Variants in TRPV2 observed in about 807,000 individuals in gnomAD.
TRPV2 encodes the protein OTRPC2.
TRPV2 carries 58 observed loss-of-function variants against 91.0 expected under a neutral mutation model. The ratio of observed to expected loss-of-function variants is 0.64; its 90% CI spans 0.52 to 0.79. The LOEUF is 0.79. TRPV2 is among the 30% of genes least tolerant of loss of function. The pLI is 0.00. For synonymous variants in TRPV2, 417 were observed against 414.8 expected (o/e 1.01, Z -0.06); for missense variants, 807 against 969.6 (o/e 0.83, Z 2.23).
At chr17:16,431,292 T>TATATATATATATATACA (rs1491493192) in intron 10 of TRPV2, among the ~76,000 whole-genome samples, 1 of 16,294 alleles carries the variant, frequency 6.1e-5, no homozygotes, top group African/African-American at 3.4e-4. Flanking sequence ...TATATACATA[T>TATATATATATATATACA]TTTTTTTTTT....
At chr17:16,428,190 T>G in intron 8 of TRPV2, 127 bp from the exon 9 acceptor site, 1 of 816,974 alleles carries the variant, frequency 1.2e-6, no homozygotes, top group Non-Finnish European at 2.1e-6. Flanking sequence ...GAAGTATTCA[T>G]GAGTCCCCCA....
chr17:16,432,441 T>A, intron 12 of TRPV2, 141 bp downstream of exon 12: 2 of 584,120 alleles, frequency 3.4e-6, no homozygotes, highest in Non-Finnish European at 5.4e-6. Flanking sequence ...TCCTCTTCCT[T>A]TTTTTTTTTT....
Position 16,433,644 on chromosome 17 carries a change from T to C in TRPV2, c.2060T>C (p.Met687Thr). 2 of 1,614,186 alleles carry C rather than the reference T, an allele frequency of 1.2e-6. No individual in the cohort carries two copies. The highest frequency in any genetic ancestry group is 1.7e-6 in the Non-Finnish European group (2 of 1,180,032). The change falls in exon 13 of 15, where the codon ATG becomes ACG. Residue 687 changes from methionine to threonine, a missense_variant. By Grantham distance (81) the Met-to-Thr change is moderately conservative (BLOSUM62 -1). Coordinates refer to ENST00000338560, the MANE Select transcript of TRPV2 (RefSeq NM_016113.5). ...AGGAAGAAGCAGCGGGCAGGTGTGATGCTGACCGTTGGCACTAAGCCAGAT... is the reference window on the plus strand; with the variant it reads ...AGGAAGAAGCAGCGGGCAGGTGTGACGCTGACCGTTGGCACTAAGCCAGAT... Reference protein sequence around the residue: ...WCRKKQRAGVMLTVGTKPDGS... With the variant: ...WCRKKQRAGVTLTVGTKPDGS...
intron 2 of TRPV2, chr17:16,419,310 C>G (rs2093345515): frequency 2.1e-6 from 1 of 470,886 alleles, no homozygotes. Flanking sequence ...TGACAAGCTA[C>G]CAGATCCCTT....
chr17:16,428,306 T>C lies in TRPV2; in HGVS notation c.1351-11T>C. 3.7e-6 allele frequency: 6 copies of C among 1,614,102 alleles called. No homozygotes were observed. Among genetic ancestry groups the C allele is most frequent in the Non-Finnish European group, 5.1e-6 (6 of 1,179,934 alleles). On this transcript the variant is annotated splice_polypyrimidine_tract_variant and intron_variant, in intron 8 of 14. Coordinates refer to ENST00000338560, the MANE Select transcript of TRPV2 (RefSeq NM_016113.5). ...AGGTTTCACAGCCCTCTGTCCTCCCTTCCTCCGCAGCTGTGGTACTTCTGG... is the reference window on the plus strand; with the variant it reads ...AGGTTTCACAGCCCTCTGTCCTCCCCTCCTCCGCAGCTGTGGTACTTCTGG...
intron 5 of TRPV2, among the ~76,000 whole-genome samples, chr17:16,424,363 T>C (rs545763596): frequency 1.3e-5 from 2 of 152,216 alleles, no homozygotes; most frequent in African/African-American, 4.8e-5. Flanking sequence ...GGTTTCACCA[T>C]GTTGGTCAGG....
chr17:16,419,883 G>A (rs902859092), intron 2 of TRPV2, among the ~76,000 whole-genome samples: 2 of 152,212 alleles, frequency 1.3e-5, no homozygotes, highest in Non-Finnish European at 2.9e-5. Context: ...GATGACTGGC[G>A]TCATGGGGAT....
intron 12 of TRPV2, chr17:16,433,300 C>G (rs906179440): frequency 2.6e-5 from 9 of 347,564 alleles, no homozygotes; most frequent in Admixed American, 1.3e-4. Flanking sequence ...GAGCAAGTAG[C>G]TGTCCAGTAC....
At chr17:16,418,648 A>T (rs562177173) in intron 2 of TRPV2, among the ~76,000 whole-genome samples, 2 of 152,188 alleles carry the variant, frequency 1.3e-5, no homozygotes, top group Admixed American at 1.3e-4. Context: ...AGGATGCATG[A>T]GGAGATTCTG....
chr17:16,436,984 TA>T lies in TRPV2; in HGVS notation c.*96del, dbSNP rs2093436440. 18 of 994,766 alleles carry T rather than the reference TA, an allele frequency of 1.8e-5. 1 individual carries two copies. The South Asian group carries it at 2.3e-4, about 13-fold the overall frequency. The allele number at this position is 994,766 out of a possible 1,614,324, so 61.6% of individuals were successfully genotyped here. A position where few individuals can be genotyped will look rare whatever the true frequency, so the allele number is the denominator to read the frequency against. On this transcript the variant is annotated 3_prime_UTR_variant, in exon 15 of 15. Coordinates refer to ENST00000338560, the MANE Select transcript of TRPV2 (RefSeq NM_016113.5). Reference sequence around the variant, plus strand: ...GGTCCCAGTGAATTCTGGTGGCAAATATATATTTTCACTAACTAACTCTTCT... The same window carrying T: ...GGTCCCAGTGAATTCTGGTGGCAAATTATATTTTCACTAACTAACTCTTCT...
rs1454993734 is a variant in TRPV2, at chr17:16,415,659, G to C, written c.-282G>C. The C allele has an allele frequency of 6.6e-6, 1 of 152,296 alleles. No homozygotes were observed. Among genetic ancestry groups the C allele is most frequent in the East Asian group, 1.9e-4 (1 of 5,196 alleles). The allele number at this position is 152,296 out of a possible 1,614,324, so 9.4% of individuals were successfully genotyped here. A position where few individuals can be genotyped will look rare whatever the true frequency, so the allele number is the denominator to read the frequency against. On this transcript the variant is annotated 5_prime_UTR_variant, in exon 1 of 15. Transcript: ENST00000338560. The surrounding 1 kb of genome is among the most constrained non-coding windows in gnomAD (Gnocchi z 4.5). Reference sequence around the variant, plus strand: ...CTGGCCAGGTGGGCTGAGGGTGACCGAGAGACCAGAACCTGCTTGCTGGAG... The same window carrying C: ...CTGGCCAGGTGGGCTGAGGGTGACCCAGAGACCAGAACCTGCTTGCTGGAG...
At chr17:16,430,882 C>T (rs1274459789) in intron 10 of TRPV2, among the ~76,000 whole-genome samples, 1 of 152,084 alleles carries the variant, frequency 6.6e-6, no homozygotes, top group African/African-American at 2.4e-5. Flanking sequence ...CTGTTGCTTC[C>T]ACCTTTTGAC....
At chr17:16,421,510 C>T (rs1435019141) in intron 3 of TRPV2, among the ~76,000 whole-genome samples, 5 of 148,246 alleles carry the variant, frequency 3.4e-5, no homozygotes, top group African/African-American at 1.0e-4. Flanking sequence ...TGAGCCACCG[C>T]GCCTGGCCAT....
At chr17:16,424,711 A>G (rs138961242) in intron 5 of TRPV2, among the ~76,000 whole-genome samples, 140 of 152,132 alleles carry the variant, frequency 9.2e-4, no homozygotes, top group African/African-American at 3.3e-3. Flanking sequence ...CTTTATAATG[A>G]ATTTAGTATT....
At chr17:16,428,760 T>C (rs1287748706) in intron 9 of TRPV2, 57 bp from the exon 10 acceptor site, 1 of 1,604,772 alleles carries the variant, frequency 6.2e-7, no homozygotes, top group Non-Finnish European at 8.5e-7. Context: ...CATAGGCCAG[T>C]GGGGGCTCAG....
rs780877721 is a variant in TRPV2, at chr17:16,431,764, C to G, written c.1588-20C>G. The G allele has an allele frequency of 1.2e-6, 2 of 1,613,674 alleles. No homozygotes were observed. The highest frequency in any genetic ancestry group is 8.5e-7 in the Non-Finnish European group (1 of 1,179,760). ...GGTGGCCCAGCTACCCACCCTGGCC[C>G]CTGGGCACATGTGTTCCAGGTCATC... On this transcript the variant is annotated intron_variant, in intron 10 of 14. Transcript: ENST00000338560.
chr17:16,428,403 C>T lies in TRPV2; in HGVS notation c.1421+16C>T. On this transcript the variant is annotated intron_variant, in intron 9 of 14. Transcript: ENST00000338560. ...AAATCCTCTTGTACGTGGGTTCTCA[C>T]TCCTCCTTCTCTCAACTGTCTCTGA... The T allele has an allele frequency of 6.2e-7, 1 of 1,613,124 alleles. No individual in the cohort carries two copies. Among genetic ancestry groups the T allele is most frequent in the Non-Finnish European group, 8.5e-7 (1 of 1,179,026 alleles).
At chr17:16,424,660 T>G (rs1477052905) in intron 5 of TRPV2, among the ~76,000 whole-genome samples, 1 of 152,162 alleles carries the variant, frequency 6.6e-6, no homozygotes, top group Admixed American at 6.5e-5. Context: ...TTTATATCTT[T>G]TGCCTATTTT....
intron 12 of TRPV2, 71 bp downstream of exon 12, chr17:16,432,371 C>A: frequency 7.1e-7 from 1 of 1,407,776 alleles, no homozygotes; most frequent in Non-Finnish European, 9.6e-7. Flanking sequence ...CCGGACCCTG[C>A]GGAGCTGGGC....
Sources: allele counts gnomAD v4.1 joint callset (sites outside exome capture counted in the v4.1 genomes callset), GRCh38; gene constraint gnomAD v4.1.1; non-coding constraint Gnocchi (gnomAD v3.1); transcripts MANE v1.5; gene names NCBI Gene and HGNC (gene_info 2026-07-23, HGNC 2026-07-21).